Variants in TMED1 observed in about 807,000 individuals in gnomAD.
TMED1 encodes the protein transmembrane p24 trafficking protein 1.
Under a neutral mutation model 21.2 loss-of-function variants are expected in TMED1, and 20 were observed. That is an observed-to-expected ratio of 0.95 (90% CI 0.67 to 1.37). The LOEUF is 1.37. TMED1 is among the 40% of genes most tolerant of loss of function. The pLI, the probability that TMED1 is intolerant of heterozygous loss-of-function variation, is 0.00. For synonymous variants in TMED1, 149 were observed against 134.7 expected, an observed-to-expected ratio of 1.11 and a Z score of -0.74; for missense variants, 316 against 309.8, an observed-to-expected ratio of 1.02 and a Z score of -0.15.
intron 1 of TMED1, chr19:10,835,694 A>G (rs1471914979): frequency 3.6e-6 from 5 of 1,395,502 alleles, no homozygotes; most frequent in Non-Finnish European, 4.6e-6. Context: ...TGTGTGGGCA[A>G]CGCCCCCGCA....
intron 2 of TMED1, 44 bp downstream of exon 2, chr19:10,835,212 C>A: frequency 6.2e-7 from 1 of 1,613,462 alleles, no homozygotes; most frequent in South Asian, 1.1e-5. Context: ...CTGGGAAGGG[C>A]AGGGCTGTAA....
chr19:10,834,019 A>C (rs2073394348), intron 3 of TMED1, among the ~76,000 whole-genome samples: 1 of 151,972 alleles, frequency 6.6e-6, no homozygotes, highest in African/African-American at 2.4e-5. Flanking sequence ...AAAATACAAA[A>C]ATTAGTCAGT....
chr19:10,833,006 C>T lies in TMED1; in HGVS notation c.673G>A (p.Val225Met), dbSNP rs1405384835. The change falls in exon 4 of 4, where the codon GTG becomes ATG. Residue 225 changes from valine to methionine, a missense_variant. Transcript: ENST00000214869. ...TTCCATGGCAGGGGCTACGTGGGCA[C>T]CGGGCGCTTGTCCTGGAAGAAGCGC... is the stretch of plus-strand genomic sequence containing the variant. The part of the protein sequence containing the change: ...LKRFFQDKRP[V>M]PT The T allele has an allele frequency of 2.2e-5, 36 of 1,612,704 alleles. No individual in the cohort carries two copies. Among genetic ancestry groups the T allele is most frequent in the Non-Finnish European group, 2.9e-5 (34 of 1,180,010 alleles).
In TMED1 at chr19:10,832,662, G is replaced by A. The variant is rs2075168; in HGVS notation, c.*333C>T. On this transcript the variant is annotated 3_prime_UTR_variant, in exon 4 of 4. Coordinates refer to ENST00000214869, the MANE Select transcript of TMED1 (RefSeq NM_006858.4). The stretch of plus-strand genomic sequence containing the variant: ...AGGTTTCCTTGTTAGGCCCTGCCCC[G>A]CACCAGGCAACGCTAACACAGGATG... 22,469 of 573,558 alleles carry A rather than the reference G, an allele frequency of 0.039. 2,557 individuals carry two copies. The highest frequency in any genetic ancestry group is 0.36 in the East Asian group (12,453 of 34,126). 35.5% of individuals were successfully genotyped at this position (573,558 alleles called of 1,614,324 possible).
At chr19:10,835,166 C>G (rs931024951) in intron 2 of TMED1, 49 bp from the exon 3 acceptor site, 12 of 1,610,280 alleles carry the variant, frequency 7.5e-6, no homozygotes, top group Non-Finnish European at 1.0e-5. Flanking sequence ...AGCCAGCCGA[C>G]TCAGCGGGGC....
rs2073364600 is a variant in TMED1 at position 10,832,218 on chromosome 19, T to C, written c.*777A>G. Reference sequence around the variant, plus strand: ...CCCCCTTCCTACCCTCAGGCCCTGCTTCTCTCACCTCGTGGGGAAGCCCAA... The same window carrying C: ...CCCCCTTCCTACCCTCAGGCCCTGCCTCTCTCACCTCGTGGGGAAGCCCAA... On this transcript the variant is annotated 3_prime_UTR_variant, in exon 4 of 4. Coordinates refer to ENST00000214869, the MANE Select transcript of TMED1 (RefSeq NM_006858.4). 2.5e-6 allele frequency: 3 copies of C among 1,186,166 alleles called. No individual in the cohort carries two copies. Among genetic ancestry groups the C allele is most frequent in the Non-Finnish European group, 3.4e-6 (3 of 894,752 alleles). The allele number at this position is 1,186,166 out of a possible 1,614,324, so 73.5% of individuals were successfully genotyped here. A position where few individuals can be genotyped will look rare whatever the true frequency, so the allele number is the denominator to read the frequency against.
chr19:10,833,887 C>A (rs1022671442), intron 3 of TMED1, among the ~76,000 whole-genome samples: 28 of 152,166 alleles, frequency 1.8e-4, no homozygotes, highest in Admixed American at 2.6e-4. Flanking sequence ...CACAGCAAGA[C>A]CTTGCCTCGC....
In TMED1 at chr19:10,832,998, CG is replaced by C; in HGVS notation, c.680del (p.Thr227SerfsTer21). ...GTTCTTCCTTCCATGGCAGGGGCTACGTGGGCACCGGGCGCTTGTCCTGGAA... is the reference window on the plus strand; with the variant it reads ...GTTCTTCCTTCCATGGCAGGGGCTACTGGGCACCGGGCGCTTGTCCTGGAA... Reference protein sequence around the residue: ...RFFQDKRPVPT With the variant: ...RFFQDKRPVPX On this transcript the variant is annotated frameshift_variant, in exon 4 of 4. Transcript: ENST00000214869. LOFTEE classifies it high-confidence loss of function. 6.2e-7 allele frequency: 1 copy of C among 1,612,042 alleles called. No homozygotes were observed. The highest frequency in any genetic ancestry group is 8.5e-7 in the Non-Finnish European group (1 of 1,179,954).
chr19:10,833,103 C>T lies in TMED1; in HGVS notation c.576G>A (p.Arg192=), dbSNP rs1220791023. 1.2e-6 allele frequency: 2 copies of T among 1,613,980 alleles called. No homozygotes were observed. The highest frequency in any genetic ancestry group is 2.7e-5 in the African/African-American group (2 of 74,960). ...DRNLQEGNLE[R]VNFWSAVNVA... Reference sequence around the variant, plus strand: ...CGTTGACAGCTGACCAGAAGTTGACCCGCTCCAAGTTGCCCTCTTGCAGGT... The same window carrying T: ...CGTTGACAGCTGACCAGAAGTTGACTCGCTCCAAGTTGCCCTCTTGCAGGT... Residue 192 remains arginine, a synonymous_variant, in exon 4 of 4, where the codon CGG becomes CGA. Coordinates refer to ENST00000214869, the MANE Select transcript of TMED1 (RefSeq NM_006858.4).
intron 3 of TMED1, among the ~76,000 whole-genome samples, chr19:10,834,401 T>C (rs1044089964): frequency 1.7e-4 from 26 of 151,876 alleles, no homozygotes; most frequent in Admixed American, 1.7e-3. Context: ...GAGTTATTTA[T>C]GATATGAGTT....
intron 3 of TMED1, among the ~76,000 whole-genome samples, chr19:10,834,655 T>TC (rs1389048360): frequency 6.6e-6 from 1 of 152,074 alleles, no homozygotes; most frequent in Non-Finnish European, 1.5e-5. Flanking sequence ...AATTTTTGTA[T>TC]TTTTAGTAGA....
intron 3 of TMED1, among the ~76,000 whole-genome samples, chr19:10,833,927 T>G (rs2146223041): frequency 6.6e-6 from 1 of 152,164 alleles, no homozygotes; most frequent in Admixed American, 6.6e-5. Flanking sequence ...CCCAGAGCTT[T>G]GGGAAGCCAA....
Position 10,836,202 on chromosome 19 carries a change from C to T in TMED1, c.-11G>A. ...GCCGGCCGCCATCATCCGGGTCACC[C>T]TCTGGTCTGCAAAGGGGTCGCGGCT... On this transcript the variant is annotated 5_prime_UTR_variant, in exon 1 of 4. Coordinates refer to ENST00000214869, the MANE Select transcript of TMED1 (RefSeq NM_006858.4). 1 of 1,539,214 alleles carries T rather than the reference C, an allele frequency of 6.5e-7. No homozygotes were observed. Among genetic ancestry groups the T allele is most frequent in the Non-Finnish European group, 8.7e-7 (1 of 1,146,958 alleles).
chr19:10,835,556 C>CT, intron 1 of TMED1: 1 of 1,441,026 alleles, frequency 6.9e-7, no homozygotes, highest in Non-Finnish European at 9.1e-7. Flanking sequence ...GGGGTCCATA[C>CT]TTTCAGCTGA....
At chr19:10,833,297 G>A in intron 3 of TMED1, 84 bp from the exon 4 acceptor site, 4 of 1,164,194 alleles carry the variant, frequency 3.4e-6, no homozygotes, top group Non-Finnish European at 5.0e-6. Flanking sequence ...GATACGGAGG[G>A]AGGCTGTATT....
chr19:10,833,078 C>T lies in TMED1; in HGVS notation c.601G>A (p.Val201Met), dbSNP rs1280948408. 5.0e-6 allele frequency: 8 copies of T among 1,613,988 alleles called. No individual in the cohort carries two copies. The Admixed American group carries it at 6.7e-5, about 13-fold the overall frequency. ...ACAGCCACCAGCAGCAGCACCGCCACGTTGACAGCTGACCAGAAGTTGACC... is the reference window on the plus strand; with the variant it reads ...ACAGCCACCAGCAGCAGCACCGCCATGTTGACAGCTGACCAGAAGTTGACC... ...ERVNFWSAVN[V>M]AVLLLVAVLQ... Residue 201 changes from valine (V) to methionine (M), a missense_variant, in exon 4 of 4, where the codon GTG becomes ATG. Transcript: ENST00000214869.
intron 1 of TMED1, 24 bp downstream of exon 1, chr19:10,835,985 G>T: frequency 1.9e-6 from 3 of 1,551,826 alleles, no homozygotes; most frequent in Non-Finnish European, 1.7e-6. Context: ...GACTCTGCTG[G>T]CCGCCCAGCC....
chr19:10,835,256 G>C lies in TMED1; in HGVS notation c.281C>G (p.Thr94Arg). Residue 94 changes from threonine (T) to arginine (R), a missense_variant and splice_region_variant, in exon 2 of 4, where the codon ACG (threonine) becomes AGG (arginine). Transcript: ENST00000214869. ...SESRKADGVH[T>R]VEPTEAGDYK... Reference sequence around the variant, plus strand: ...AGGCAGGCATCAAGACTGAACTCACGTGTGTACCCCATCAGCCTTGCGGGA... The same window carrying C: ...AGGCAGGCATCAAGACTGAACTCACCTGTGTACCCCATCAGCCTTGCGGGA... The C allele has an allele frequency of 6.2e-7, 1 of 1,614,136 alleles. No individual in the cohort carries two copies. The highest frequency in any genetic ancestry group is 8.5e-7 in the Non-Finnish European group (1 of 1,180,018).
chr19:10,836,136 A>G lies in TMED1; in HGVS notation c.56T>C (p.Val19Ala). 1.9e-6 allele frequency: 3 copies of G among 1,564,224 alleles called. No individual in the cohort carries two copies. The highest frequency in any genetic ancestry group is 2.6e-6 in the Non-Finnish European group (3 of 1,155,932). Residue 19 changes from valine to alanine, a missense_variant, in exon 1 of 4, where the codon GTG (valine) becomes GCG (alanine). Val to Ala is a moderately conservative substitution (Grantham distance 64). Coordinates refer to ENST00000214869, the MANE Select transcript of TMED1 (RefSeq NM_006858.4). ...CGGGGGCCCCGCCCCTCCCACCTCC[A>G]CTGGTGGCATTAGTAGCCACAAGGC... ...ALALWLLMPP[V>A]EVGGAGPPPI...
Sources: allele counts gnomAD v4.1 joint callset (sites outside exome capture counted in the v4.1 genomes callset), GRCh38; gene constraint gnomAD v4.1.1; transcripts MANE v1.5; gene names NCBI Gene and HGNC (gene_info 2026-07-23, HGNC 2026-07-21).